ADARB1: variants seen among roughly 807,000 people sequenced by gnomAD.
ADARB1 encodes the protein adenosine deaminase RNA specific B1.
A neutral mutation model predicts 52.4 loss-of-function variants in ADARB1; 10 were observed. The observed-to-expected ratio is 0.19, with a 90% CI of 0.12 to 0.32. The LOEUF (loss-of-function observed/expected upper bound fraction) is 0.32, where lower values mean the gene tolerates loss of function less well. Among genes scored for constraint, ADARB1 ranks in the 10% least tolerant of loss-of-function variants. The probability of loss-of-function intolerance (pLI) is 1.00; values close to 1 mark genes in which losing one functional copy is unlikely to be tolerated. For synonymous variants in ADARB1, 349 were observed against 371.1 expected, an observed-to-expected ratio of 0.94 and a Z score of 0.68; for missense variants, 643 against 922.3, an observed-to-expected ratio of 0.70 and a Z score of 3.92.
chr21:45,222,398 C>T lies in ADARB1; in HGVS notation c.*201C>T. The T allele has an allele frequency of 1.5e-6, 2 of 1,309,784 alleles. No individual in the cohort carries two copies. The highest frequency in any genetic ancestry group is 3.6e-5 in the Admixed American group (1 of 27,488). 81.1% of individuals were successfully genotyped at this position (1,309,784 alleles called of 1,614,324 possible). A position where few individuals can be genotyped will look rare whatever the true frequency, so the allele number is the denominator to read the frequency against. The stretch of plus-strand genomic sequence containing the variant: ...CGCAGTGTGGGGAGGGGATGGGGTG[C>T]GTCAGGGCCCAGCATCGCCGCCTGG... On this transcript the variant is annotated 3_prime_UTR_variant, in exon 11 of 11. Transcript: ENST00000348831.
intron 2 of ADARB1, among the ~76,000 whole-genome samples, chr21:45,151,336 T>C (rs1433024526): frequency 6.6e-6 from 1 of 152,250 alleles, no homozygotes; most frequent in African/African-American, 2.4e-5. Flanking sequence ...TTGCTTAATA[T>C]GGCATAATTT....
At position 45,135,752 on chromosome 21, in the gene ADARB1, AC is replaced by A. The variant is rs557109463; in HGVS notation, c.-48+7180del. Among the ~76,000 whole-genome samples the A allele has an allele frequency of 1.7e-3, 253 of 152,312 alleles. 3 individuals are homozygous for A. Among genetic ancestry groups the A allele is most frequent in the South Asian group, 9.3e-3 (45 of 4,814 alleles). Reference sequence around the variant, plus strand: ...ATGTATTAGAAAAATTGGAAAAAAAACATATGAAGTGTAGAATGTCAGCAGA... The same window carrying A: ...ATGTATTAGAAAAATTGGAAAAAAAAATATGAAGTGTAGAATGTCAGCAGA... On this transcript the variant is annotated intron_variant, in intron 2 of 10. Coordinates refer to ENST00000348831, the MANE Select transcript of ADARB1 (RefSeq NM_001112.4).
intron 1 of ADARB1, among the ~76,000 whole-genome samples, chr21:45,104,827 T>G (rs1180399249): frequency 6.6e-6 from 1 of 152,134 alleles, no homozygotes; most frequent in African/African-American, 2.4e-5. Context: ...CTCTTTGAAG[T>G]TTTCTTGGGG....
At chr21:45,203,197 G>A (rs749202728) in intron 8 of ADARB1, among the ~76,000 whole-genome samples, 1 of 151,870 alleles carries the variant, frequency 6.6e-6, no homozygotes, top group Non-Finnish European at 1.5e-5. Context: ...AGGGGCCCCT[G>A]CCCTGCCCCT....
intron 1 of ADARB1, among the ~76,000 whole-genome samples, chr21:45,103,686 G>A (rs1038216928): frequency 6.6e-6 from 1 of 152,090 alleles, no homozygotes; most frequent in Non-Finnish European, 1.5e-5. Flanking sequence ...TGGCCCAGGG[G>A]TTGGGACTCC....
In ADARB1 at chr21:45,204,302, A is replaced by G. The variant is rs190126560; in HGVS notation, c.1566-253A>G. ...TTCCCACAGATTTCTCACAAGAAAC[A>G]TATGTGGCTCATTGATTGTGGGAAA... On this transcript the variant is annotated intron_variant, in intron 8 of 10. Coordinates refer to ENST00000348831, the MANE Select transcript of ADARB1 (RefSeq NM_001112.4). The surrounding 1 kb of genome is among the most constrained non-coding windows in gnomAD (Gnocchi z 4.4). Among the ~76,000 whole-genome samples, 148 of 152,352 alleles carry G rather than the reference A, an allele frequency of 9.7e-4. No homozygotes were observed. Among genetic ancestry groups the G allele is most frequent in the African/African-American group, 3.3e-3 (138 of 41,568 alleles).
chr21:45,176,298 C>T lies in ADARB1; in HGVS notation c.597C>T (p.Ser199=), dbSNP rs762888286. The change falls in exon 4 of 11, where the codon TCC becomes TCT. Residue 199 remains serine (S), a synonymous_variant. Transcript: ENST00000348831. This position sits in a 1 kb window ranked among gnomAD's most constrained non-coding sequence, Gnocchi z 5.8. ...PFYVGSNGDD[S]FSSSGDLSLS... ...ACGTGGGCTCCAATGGGGATGACTC[C>T]TTCAGTTCCAGCGGGGACCTCAGCT... 2.5e-6 allele frequency: 4 copies of T among 1,614,172 alleles called. No homozygotes were observed. The Admixed American group carries it at 6.7e-5, about 27-fold the overall frequency.
At chr21:45,090,760 A>G (rs1392648951) in intron 1 of ADARB1, among the ~76,000 whole-genome samples, 1 of 151,974 alleles carries the variant, frequency 6.6e-6, no homozygotes, top group African/African-American at 2.4e-5. Context: ...CTTTGTTCTC[A>G]CTTGGGGATT....
chr21:45,098,256 C>T (rs1056952425), intron 1 of ADARB1, among the ~76,000 whole-genome samples: 5 of 149,694 alleles, frequency 3.3e-5, no homozygotes, highest in Non-Finnish European at 7.4e-5. Context: ...GTGCTTGACC[C>T]GGCTCCCATC....
In ADARB1 at chr21:45,176,725, C is replaced by G; in HGVS notation, c.963+61C>G. Reference sequence around the variant, plus strand: ...CATTGCTCTTGGTAATGCTTCTAGACAGCATTTTAGTTTCAGGATTACTGT... The same window carrying G: ...CATTGCTCTTGGTAATGCTTCTAGAGAGCATTTTAGTTTCAGGATTACTGT... On this transcript the variant is annotated intron_variant, in intron 4 of 10. Coordinates refer to ENST00000348831, the MANE Select transcript of ADARB1 (RefSeq NM_001112.4). The surrounding 1 kb of genome is among the most constrained non-coding windows in gnomAD (Gnocchi z 5.8). 7 of 1,476,672 alleles carry G rather than the reference C, an allele frequency of 4.7e-6. No individual in the cohort carries two copies. The highest frequency in any genetic ancestry group is 6.4e-6 in the Non-Finnish European group (7 of 1,094,664). 91.5% of individuals were successfully genotyped at this position (1,476,672 alleles called of 1,614,324 possible).
At chr21:45,192,435 G>A (rs1369306912) in intron 8 of ADARB1, among the ~76,000 whole-genome samples, 2 of 152,178 alleles carry the variant, frequency 1.3e-5, no homozygotes, top group Non-Finnish European at 2.9e-5. Flanking sequence ...CCCTGAATCT[G>A]AGCCTGTCAT....
intron 3 of ADARB1, among the ~76,000 whole-genome samples, chr21:45,174,423 C>T (rs1408627723): frequency 6.6e-6 from 1 of 152,120 alleles, no homozygotes; most frequent in Non-Finnish European, 1.5e-5. Context: ...AAAATTAGGG[C>T]TGGGCACGGT....
Position 45,185,013 on chromosome 21 carries a change from A to G in ADARB1, c.1487A>G (p.Asn496Ser), listed in dbSNP as rs765115508. ...GAGGGGACGATTCCAGTGCGCTCCA[A>G]TGCGAGCATCCAAACGTGGGACGGG... ...SGEGTIPVRS[N>S]ASIQTWDGVL... is the part of the protein sequence containing the mutation. Residue 496 changes from asparagine to serine, a missense_variant, in exon 8 of 11, where the codon AAT (asparagine) becomes AGT (serine). Asn to Ser is a conservative substitution (Grantham distance 46). Coordinates refer to ENST00000348831, the MANE Select transcript of ADARB1 (RefSeq NM_001112.4). The G allele has an allele frequency of 9.3e-6, 15 of 1,614,074 alleles. No individual in the cohort carries two copies. The highest frequency in any genetic ancestry group is 1.3e-5 in the African/African-American group (1 of 74,928).
chr21:45,176,097 C>T lies in ADARB1; in HGVS notation c.396C>T (p.Leu132=), dbSNP rs1034977318. The part of the protein sequence containing the change: ...GSGPTKKKAK[L]HAAEKALRSF... ...GTCCCACAAAGAAAAAGGCAAAACTCCATGCTGCTGAGAAGGCCTTGAGGT... is the reference window on the plus strand; with the variant it reads ...GTCCCACAAAGAAAAAGGCAAAACTTCATGCTGCTGAGAAGGCCTTGAGGT... Residue 132 remains leucine (L), a synonymous_variant, in exon 4 of 11, where the codon CTC becomes CTT. Coordinates refer to ENST00000348831, the MANE Select transcript of ADARB1 (RefSeq NM_001112.4). The surrounding 1 kb of genome is among the most constrained non-coding windows in gnomAD (Gnocchi z 5.8). The T allele has an allele frequency of 1.2e-6, 2 of 1,613,932 alleles. No individual in the cohort carries two copies.
intron 9 of ADARB1, among the ~76,000 whole-genome samples, chr21:45,207,276 TTTG>T (rs1450087040): frequency 1.3e-5 from 2 of 152,214 alleles, no homozygotes; most frequent in African/African-American, 4.8e-5. Flanking sequence ...GAAATGGGTT[TTTG>T]TTGTTGTTTC....
At chr21:45,087,588 G>A (rs1039464367) in intron 1 of ADARB1, among the ~76,000 whole-genome samples, 2 of 152,132 alleles carry the variant, frequency 1.3e-5, no homozygotes, top group Non-Finnish European at 2.9e-5. Flanking sequence ...GGGCGAGGGG[G>A]CAGGGAAGTG....
chr21:45,107,869 C>G (rs994565498), intron 1 of ADARB1, among the ~76,000 whole-genome samples: 1 of 152,190 alleles, frequency 6.6e-6, no homozygotes, highest in East Asian at 1.9e-4. Context: ...TGCGACCAGC[C>G]TGGGCAACAT....
At chr21:45,218,060 T>G (rs571512419) in intron 9 of ADARB1, among the ~76,000 whole-genome samples, 1 of 152,298 alleles carries the variant, frequency 6.6e-6, no homozygotes, top group South Asian at 2.1e-4. Flanking sequence ...TGCTTGGGAT[T>G]CATTGAAATT....
At chr21:45,127,377 C>T (rs1450118515) in intron 1 of ADARB1, among the ~76,000 whole-genome samples, 1 of 152,176 alleles carries the variant, frequency 6.6e-6, no homozygotes, top group Non-Finnish European at 1.5e-5. Flanking sequence ...GACTCTGTGA[C>T]CTGTAATTCC....
Sources: gnomAD v4.1 joint callset for allele counts (sites outside exome capture counted in the v4.1 genomes callset) on GRCh38, gnomAD v4.1.1 for gene constraint, Gnocchi (gnomAD v3.1) non-coding constraint, MANE v1.5 for transcripts, NCBI Gene and HGNC (gene_info 2026-07-23, HGNC 2026-07-21) for gene names.